The following TRPM3 variants were observed in gnomAD, a reference collection of about 807,000 sequenced individuals.
TRPM3 encodes transient receptor potential cation channel subfamily M member 3, also known as long transient receptor potential channel 3.
In TRPM3, 77 loss-of-function variants were observed where a neutral mutation model predicts 181.2. That is an observed-to-expected ratio of 0.42 (90% CI 0.35 to 0.51). The LOEUF (loss-of-function observed/expected upper bound fraction) is 0.51, where lower values mean the gene tolerates loss of function less well. Ranked by LOEUF, TRPM3 falls within the 20% of genes least tolerant of loss-of-function variation. TRPM3 has a pLI of 0.01. For synonymous variants in TRPM3, 745 were observed against 796.4 expected, an observed-to-expected ratio of 0.94 and a Z score of 1.09; for missense variants, 1,759 against 2,196.7, an observed-to-expected ratio of 0.80 and a Z score of 3.98.
At chr9:71,207,723 T>C (rs2079211264) in intron 1 of TRPM3, among the ~76,000 whole-genome samples, 1 of 152,152 alleles carries the variant, frequency 6.6e-6, no homozygotes, top group Admixed American at 6.5e-5. Flanking sequence ...AACTTTAAAG[T>C]ATTTCTGAAT....
intron 8 of TRPM3, among the ~76,000 whole-genome samples, chr9:70,752,043 T>TGC (rs1204795370): frequency 6.9e-4 from 77 of 112,148 alleles, no homozygotes; most frequent in Admixed American, 2.0e-3. Context: ...TGTGTGTGTG[T>TGC]GTGTGTGCGC....
chr9:71,182,606 CATA>C (rs1219473117), intron 1 of TRPM3, among the ~76,000 whole-genome samples: 5 of 152,122 alleles, frequency 3.3e-5, no homozygotes, highest in Non-Finnish European at 7.4e-5. Context: ...TCAAATTCAA[CATA>C]ATAAAACATA....
chr9:71,252,756 C>T (rs1274483355), intron 1 of TRPM3, among the ~76,000 whole-genome samples: 4 of 151,570 alleles, frequency 2.6e-5, no homozygotes, highest in African/African-American at 9.7e-5. Flanking sequence ...ATTGCGGCCT[C>T]GGCCTCCTTG....
chr9:71,187,147 A>G (rs1002812719), intron 1 of TRPM3, among the ~76,000 whole-genome samples: 26 of 151,992 alleles, frequency 1.7e-4, no homozygotes, highest in Non-Finnish European at 8.8e-5. Flanking sequence ...TATCTTTTTA[A>G]CAGTACTCAA....
At chr9:70,907,711 C>T (rs568037984) in intron 1 of TRPM3, among the ~76,000 whole-genome samples, 1 of 152,192 alleles carries the variant, frequency 6.6e-6, no homozygotes, top group African/African-American at 2.4e-5. Flanking sequence ...TTTCTTTATC[C>T]CCCCTTTTCA....
intron 1 of TRPM3, among the ~76,000 whole-genome samples, chr9:71,324,997 T>C (rs983133140): frequency 6.6e-6 from 1 of 151,954 alleles, no homozygotes; most frequent in African/African-American, 2.4e-5. Flanking sequence ...AGTACAAATA[T>C]ACGGTAAGAA....
At chr9:71,438,534 GT>G (rs1346315058) in intron 1 of TRPM3, among the ~76,000 whole-genome samples, 1 of 152,048 alleles carries the variant, frequency 6.6e-6, no homozygotes, top group Admixed American at 6.5e-5. Context: ...TTAGCAGGGT[GT>G]GGTGGCGCAT....
intron 1 of TRPM3, among the ~76,000 whole-genome samples, chr9:70,932,082 G>A (rs1194960821): frequency 2.0e-5 from 3 of 152,158 alleles, no homozygotes; most frequent in Non-Finnish European, 4.4e-5. Flanking sequence ...AATATGGAGG[G>A]ATTATGGGAG....
At chr9:70,597,059 G>A (rs1032928635) in intron 21 of TRPM3, among the ~76,000 whole-genome samples, 4 of 151,518 alleles carry the variant, frequency 2.6e-5, no homozygotes, top group East Asian at 3.9e-4. Flanking sequence ...TCAGCCTCCC[G>A]AGTAGCTAGG....
At chr9:70,582,558 T>C (rs115002402) in intron 22 of TRPM3, among the ~76,000 whole-genome samples, 4,300 of 152,308 alleles carry the variant, frequency 0.028, 199 homozygotes, top group African/African-American at 0.097. Flanking sequence ...TTTTATATTC[T>C]AGAACAGTGC....
intron 1 of TRPM3, among the ~76,000 whole-genome samples, chr9:71,310,533 A>G (rs1007469491): frequency 3.9e-5 from 6 of 152,068 alleles, no homozygotes; most frequent in Non-Finnish European, 8.8e-5. Flanking sequence ...TTAACATTCA[A>G]TTCCCATTGC....
chr9:70,678,277 T>C (rs2064527123), intron 9 of TRPM3, among the ~76,000 whole-genome samples: 1 of 152,162 alleles, frequency 6.6e-6, no homozygotes, highest in Non-Finnish European at 1.5e-5. Flanking sequence ...TTCTTTCTTT[T>C]CTTTTTTTTG....
At chr9:70,641,575 G>A (rs537232957) in intron 9 of TRPM3, among the ~76,000 whole-genome samples, 3 of 152,252 alleles carry the variant, frequency 2.0e-5, no homozygotes, top group South Asian at 2.1e-4. Context: ...AGAGCTGTGC[G>A]GTTCACAGGT....
intron 1 of TRPM3, among the ~76,000 whole-genome samples, chr9:71,363,872 T>A (rs2092245491): frequency 6.6e-6 from 1 of 152,126 alleles, no homozygotes; most frequent in Non-Finnish European, 1.5e-5. Context: ...TAGACCCCAC[T>A]GTGTCCTCAG....
intron 6 of TRPM3, chr9:70,809,963 A>G (rs1372410981): frequency 5.6e-6 from 3 of 534,616 alleles, no homozygotes; most frequent in Non-Finnish European, 1.2e-5. Context: ...TGGTGCAATG[A>G]TCAAAAAAGA....
At chr9:71,233,193 T>C (rs2081171822) in intron 1 of TRPM3, among the ~76,000 whole-genome samples, 1 of 152,202 alleles carries the variant, frequency 6.6e-6, no homozygotes, top group African/African-American at 2.4e-5. Context: ...TAAGAAATAA[T>C]GTCCTTTTCA....
chr9:71,340,619 G>A (rs2090896142), intron 1 of TRPM3, among the ~76,000 whole-genome samples: 1 of 152,062 alleles, frequency 6.6e-6, no homozygotes, highest in African/African-American at 2.4e-5. Flanking sequence ...AGAACTTTAA[G>A]TCCAATAAAC....
chr9:71,168,613 T>A (rs1419223718), intron 1 of TRPM3, among the ~76,000 whole-genome samples: 7 of 119,846 alleles, frequency 5.8e-5, no homozygotes, highest in Non-Finnish European at 1.1e-4. Flanking sequence ...TTATTTATTT[T>A]TTTATTATTA....
chr9:70,863,331 G>A (rs2095567115), intron 2 of TRPM3, among the ~76,000 whole-genome samples: 1 of 152,030 alleles, frequency 6.6e-6, no homozygotes, highest in South Asian at 2.1e-4. Context: ...TCCTTTAGCT[G>A]TATAAGTTGT....
Sources: gnomAD v4.1 joint callset for allele counts (sites outside exome capture counted in the v4.1 genomes callset) on GRCh38, gnomAD v4.1.1 for gene constraint, MANE v1.5 for transcripts, NCBI Gene and HGNC (gene_info 2026-07-23, HGNC 2026-07-21) for gene names.